The following CRADD variants were observed in gnomAD, a reference collection of about 807,000 sequenced individuals.
The protein encoded by CRADD is CARD and death domain containing adaptor protein, also known as death domain-containing protein CRADD.
CRADD carries 9 observed loss-of-function variants against 15.5 expected under a neutral mutation model. That is an observed-to-expected ratio of 0.58 (90% confidence interval 0.35 to 1.01). The LOEUF is 1.01. Ranked by LOEUF, CRADD falls within the 50% of genes least tolerant of loss-of-function variation. CRADD has a pLI of 0.02. For missense variants in CRADD, 227 were observed against 250.3 expected, an observed-to-expected ratio of 0.91 and a Z score of 0.63; for synonymous variants, 118 against 107.6, an observed-to-expected ratio of 1.10 and a Z score of -0.60.
At chr12:93,819,710 C>T (rs1230108776) in intron 2 of CRADD, among the ~76,000 whole-genome samples, 1 of 152,236 alleles carries the variant, frequency 6.6e-6, no homozygotes, top group Non-Finnish European at 1.5e-5. Context: ...GTACTTGTTA[C>T]TTGGTGTGCG....
At chr12:93,710,104 TC>T (rs1956033957) in intron 2 of CRADD, among the ~76,000 whole-genome samples, 1 of 152,160 alleles carries the variant, frequency 6.6e-6, no homozygotes, top group Non-Finnish European at 1.5e-5. Context: ...GGTTTTCTGT[TC>T]CATGTGGTGG....
intron 2 of CRADD, among the ~76,000 whole-genome samples, chr12:93,885,935 A>G (rs763417686): frequency 2.0e-5 from 3 of 152,080 alleles, no homozygotes; most frequent in Non-Finnish European, 4.4e-5. Flanking sequence ...GCTACTTGGG[A>G]GGCTGAGGTA....
chr12:93,760,072 G>A (rs1282927290), intron 2 of CRADD, among the ~76,000 whole-genome samples: 8 of 152,132 alleles, frequency 5.3e-5, no homozygotes, highest in African/African-American at 1.7e-4. Context: ...TGTTAGCCTG[G>A]GTCCCAAGGT....
intron 2 of CRADD, among the ~76,000 whole-genome samples, chr12:93,833,671 C>G (rs1031457353): frequency 6.6e-6 from 1 of 152,160 alleles, no homozygotes; most frequent in African/African-American, 2.4e-5. Context: ...AAAACCATTA[C>G]ACTTAATTTT....
intron 2 of CRADD, among the ~76,000 whole-genome samples, chr12:93,767,351 G>A (rs189492800): frequency 1.6e-4 from 25 of 152,250 alleles, no homozygotes; most frequent in South Asian, 6.2e-4. Context: ...GTTTCTCTCA[G>A]GTCCCTTGTT....
chr12:93,712,055 C>G (rs980512578), intron 2 of CRADD, among the ~76,000 whole-genome samples: 1 of 152,184 alleles, frequency 6.6e-6, no homozygotes, highest in African/African-American at 2.4e-5. Flanking sequence ...CACACCTGGT[C>G]TCCTAGACTC....
chr12:93,839,695 A>C (rs1367439055), intron 2 of CRADD, among the ~76,000 whole-genome samples: 1 of 152,122 alleles, frequency 6.6e-6, no homozygotes, highest in Non-Finnish European at 1.5e-5. Context: ...GCATCTCTTT[A>C]TGTGCTCGCT....
At chr12:93,795,263 C>T (rs912067285) in intron 2 of CRADD, among the ~76,000 whole-genome samples, 4 of 152,150 alleles carry the variant, frequency 2.6e-5, no homozygotes, top group African/African-American at 9.7e-5. Context: ...AGGAACTTTT[C>T]CCCAAAGGCG....
At chr12:93,822,821 TGTATC>T (rs1957782776) in intron 2 of CRADD, among the ~76,000 whole-genome samples, 1 of 152,224 alleles carries the variant, frequency 6.6e-6, no homozygotes, top group African/African-American at 2.4e-5. Context: ...ATTAGAGTAT[TGTATC>T]AGCAAGAGAA....
chr12:93,734,655 G>T (rs1478301044), intron 2 of CRADD, among the ~76,000 whole-genome samples: 3 of 152,148 alleles, frequency 2.0e-5, no homozygotes, highest in Admixed American at 1.3e-4. Context: ...GCATCATCAG[G>T]CCAGTGCTTC....
At chr12:93,782,592 AG>A (rs1957223560) in intron 2 of CRADD, among the ~76,000 whole-genome samples, 2 of 150,172 alleles carry the variant, frequency 1.3e-5, no homozygotes, top group South Asian at 4.2e-4. Flanking sequence ...ACTCCGTCTC[AG>A]GAAAAAAAAA....
chr12:93,739,255 G>T (rs1283219706), intron 2 of CRADD, among the ~76,000 whole-genome samples: 1 of 151,936 alleles, frequency 6.6e-6, no homozygotes, highest in Admixed American at 6.6e-5. Flanking sequence ...TAGTAGTGTA[G>T]CCTCTTTTCC....
At chr12:93,880,561 C>A (rs1958490801) in intron 2 of CRADD, among the ~76,000 whole-genome samples, 1 of 152,176 alleles carries the variant, frequency 6.6e-6, no homozygotes. Context: ...ATCCCCTAAT[C>A]CGTGTGACTT....
intron 2 of CRADD, among the ~76,000 whole-genome samples, chr12:93,781,931 G>A (rs544446933): frequency 2.0e-5 from 3 of 152,334 alleles, no homozygotes; most frequent in Admixed American, 6.5e-5. Context: ...GGAAATCAGT[G>A]TGGCGATTCC....
chr12:93,859,315 A>T (rs1335943047), intron 2 of CRADD: 1 of 455,784 alleles, frequency 2.2e-6, no homozygotes, highest in Non-Finnish European at 4.4e-6. Context: ...GTCTTTTGTT[A>T]TAGGGTGTTG....
intron 2 of CRADD, among the ~76,000 whole-genome samples, chr12:93,812,209 ATAGAATGATAC>A (rs1565923517): frequency 6.6e-6 from 1 of 152,210 alleles, no homozygotes; most frequent in Non-Finnish European, 1.5e-5. Flanking sequence ...TCTATCAATC[ATAGAATGATAC>A]TAGAGAACAT....
chr12:93,863,722 C>T (rs1184326565), intron 2 of CRADD, among the ~76,000 whole-genome samples: 1 of 151,248 alleles, frequency 6.6e-6, no homozygotes, highest in Non-Finnish European at 1.5e-5. Context: ...GATAATCCTA[C>T]AGAATGAAGA....
chr12:93,715,895 A>C (rs997623342), intron 2 of CRADD, among the ~76,000 whole-genome samples: 1 of 152,128 alleles, frequency 6.6e-6, no homozygotes, highest in Non-Finnish European at 1.5e-5. Context: ...TAATCCCAGC[A>C]CTTTGAGAGG....
At chr12:93,679,540 G>A (rs1955237532) in intron 2 of CRADD, among the ~76,000 whole-genome samples, 2 of 152,174 alleles carry the variant, frequency 1.3e-5, no homozygotes, top group African/African-American at 2.4e-5. Flanking sequence ...GGGACATGAC[G>A]TTGGAGGAAT....
Sources: gnomAD v4.1 joint callset for allele counts (sites outside exome capture counted in the v4.1 genomes callset) on GRCh38, gnomAD v4.1.1 for gene constraint, MANE v1.5 for transcripts, NCBI Gene and HGNC (gene_info 2026-07-23, HGNC 2026-07-21) for gene names.